LRRIQ1: variants seen among roughly 807,000 people sequenced by gnomAD.
LRRIQ1 encodes the protein leucine-rich repeat- and IQ domain-containing protein 1.
In LRRIQ1, 210 loss-of-function variants were observed where a neutral mutation model predicts 211.9. The observed-to-expected ratio is 0.99, with a 90% CI of 0.89 to 1.11. The LOEUF is 1.11. Among genes scored for constraint, LRRIQ1 ranks in the 50% most tolerant of loss-of-function variants. The pLI, the probability that LRRIQ1 is intolerant of heterozygous loss-of-function variation, is 0.00. For missense variants in LRRIQ1, 2,136 were observed against 1,939.5 expected (o/e 1.10, Z -1.90); for synonymous variants, 699 against 650.1 (o/e 1.08, Z -1.14).
chr12:85,102,524 A>G lies in LRRIQ1; in HGVS notation c.3210-1480A>G, dbSNP rs987896896. 4.6e-5 allele frequency among the ~76,000 whole-genome samples: 7 copies of G among 151,766 alleles called. 1 individual carries two copies. Among genetic ancestry groups the G allele is most frequent in the Non-Finnish European group, 7.4e-5 (5 of 67,776 alleles). ...TGCAGAGAAATGTTCTCCCAGCCTC[A>G]TTATATCATCTACTTTTTCATCAGT... On this transcript the variant is annotated intron_variant, in intron 13 of 26. Coordinates refer to ENST00000393217, the MANE Select transcript of LRRIQ1 (RefSeq NM_001079910.2).
At chr12:85,041,280 T>G (rs1353029750) in intron 3 of LRRIQ1, among the ~76,000 whole-genome samples, 2 of 151,830 alleles carry the variant, frequency 1.3e-5, no homozygotes, top group Non-Finnish European at 3.0e-5. Flanking sequence ...TAGAATGTGT[T>G]CTAGTCACTA....
chr12:85,070,504 A>G (rs1882970349), intron 10 of LRRIQ1, among the ~76,000 whole-genome samples: 1 of 151,912 alleles, frequency 6.6e-6, no homozygotes, highest in African/African-American at 2.4e-5. Flanking sequence ...AATGCTTACT[A>G]TTGTATGGAG....
intron 2 of LRRIQ1, among the ~76,000 whole-genome samples, chr12:85,038,591 C>T (rs1268270657): frequency 6.6e-6 from 1 of 151,448 alleles, no homozygotes; most frequent in Non-Finnish European, 1.5e-5. Flanking sequence ...TTTGACATAT[C>T]AAAATGGTTA....
chr12:85,039,260 C>T (rs1326079587), intron 2 of LRRIQ1, among the ~76,000 whole-genome samples: 6 of 150,876 alleles, frequency 4.0e-5, no homozygotes, highest in Admixed American at 4.0e-4. Context: ...ATTAAGATAC[C>T]TCACTATTAT....
intron 18 of LRRIQ1, among the ~76,000 whole-genome samples, chr12:85,133,918 C>T (rs1376908700): frequency 6.6e-6 from 1 of 152,080 alleles, no homozygotes; most frequent in Non-Finnish European, 1.5e-5. Context: ...GGACTGGGTT[C>T]ACCACTTGTG....
chr12:85,192,411 ATTATATACATTTATATATAT>A (rs1420290899), intron 24 of LRRIQ1, among the ~76,000 whole-genome samples: 1 of 135,170 alleles, frequency 7.4e-6, no homozygotes, highest in Non-Finnish European at 1.5e-5. Flanking sequence ...TATTTATATA[ATTATATACATTTATATATAT>A]TTATATATAA....
At chr12:85,217,393 T>C (rs1894139230) in intron 24 of LRRIQ1, among the ~76,000 whole-genome samples, 1 of 147,676 alleles carries the variant, frequency 6.8e-6, no homozygotes, top group Admixed American at 6.8e-5. Flanking sequence ...TTAATAAATA[T>C]ATGTAAATCA....
chr12:85,083,145 C>A (rs901771980), intron 11 of LRRIQ1, among the ~76,000 whole-genome samples: 2 of 152,060 alleles, frequency 1.3e-5, no homozygotes, highest in African/African-American at 2.4e-5. Flanking sequence ...TTATACCTGT[C>A]CACCTTAGGT....
At chr12:85,104,138 G>C (rs897051888) in intron 14 of LRRIQ1, 61 bp downstream of exon 14, 12 of 843,052 alleles carry the variant, frequency 1.4e-5, no homozygotes, top group Middle Eastern at 3.3e-4. Context: ...TTTCAAATAT[G>C]ATAAGGGGTT....
In LRRIQ1 at chr12:85,261,765, TTTTATTTATTTATTTA is replaced by T. The variant is rs375693906; in HGVS notation, c.122-1126_122-1111del. 2.1e-5 allele frequency among the ~76,000 whole-genome samples: 3 copies of T among 139,608 alleles called. No individual in the cohort carries two copies. In the South Asian group the frequency reaches 6.6e-4, roughly 31 times the overall value. The allele number at this position is 139,608 out of a possible 152,430, so 91.6% of individuals were successfully genotyped here. On this transcript the variant is annotated intron_variant, in intron 1 of 1. Coordinates refer to the LRRIQ1 transcript ENST00000602731. Reference sequence around the variant, plus strand: ...ATCATAATTTTTATTTTTTTGTTTATTTTATTTATTTATTTATTTATTTATTTATTTATTTATTTTT... The same window carrying T: ...ATCATAATTTTTATTTTTTTGTTTATTTTATTTATTTATTTATTTATTTTT...
chr12:85,134,205 A>G (rs924040222), intron 18 of LRRIQ1, among the ~76,000 whole-genome samples: 11 of 152,098 alleles, frequency 7.2e-5, no homozygotes, highest in African/African-American at 2.7e-4. Context: ...CCGGCTATTA[A>G]TTTTGCCTGC....
rs568394898 is a variant in LRRIQ1 at position 85,178,623 on chromosome 12, C to T, written c.4822+17909C>T. On this transcript the variant is annotated intron_variant, in intron 24 of 26. Coordinates refer to ENST00000393217, the MANE Select transcript of LRRIQ1 (RefSeq NM_001079910.2). ...TACTTATCTTCAGTATTTCATTCAT[C>T]ATTCTCCCCATAATTTATCTTAGTC... Among the ~76,000 whole-genome samples, 4 of 152,012 alleles carry T rather than the reference C, an allele frequency of 2.6e-5. No individual in the cohort carries two copies. In the South Asian group the frequency reaches 8.3e-4, roughly 31 times the overall value.
chr12:85,172,666 C>A (rs1222576346), intron 24 of LRRIQ1, among the ~76,000 whole-genome samples: 1 of 152,014 alleles, frequency 6.6e-6, no homozygotes, highest in East Asian at 1.9e-4. Flanking sequence ...AGCAATAGAA[C>A]TTTTTAGGCT....
chr12:85,237,585 A>C (rs1357803871), intron 26 of LRRIQ1, among the ~76,000 whole-genome samples: 1 of 152,110 alleles, frequency 6.6e-6, no homozygotes, highest in African/African-American at 2.4e-5. Flanking sequence ...TCTAGAGACC[A>C]ATCAAAACCG....
intron 18 of LRRIQ1, among the ~76,000 whole-genome samples, chr12:85,131,985 T>A (rs1888797056): frequency 6.6e-6 from 1 of 152,164 alleles, no homozygotes; most frequent in African/African-American, 2.4e-5. Context: ...GGGTCTTGAA[T>A]TTCTGACCCT....
chr12:85,110,645 G>A (rs1338694153), intron 15 of LRRIQ1, among the ~76,000 whole-genome samples: 1 of 152,088 alleles, frequency 6.6e-6, no homozygotes, highest in Non-Finnish European at 1.5e-5. Flanking sequence ...AGTTTAGTGT[G>A]ACAAGGAGAA....
chr12:85,147,747 G>A (rs552775731), intron 19 of LRRIQ1, among the ~76,000 whole-genome samples: 2 of 151,394 alleles, frequency 1.3e-5, no homozygotes, highest in African/African-American at 4.8e-5. Context: ...ATGCTACTGA[G>A]GCACATTTTT....
intron 10 of LRRIQ1, among the ~76,000 whole-genome samples, chr12:85,068,942 A>C (rs1258549959): frequency 6.7e-6 from 1 of 150,180 alleles, no homozygotes; most frequent in Non-Finnish European, 1.5e-5. Flanking sequence ...TATTTATTTA[A>C]TTTTATTATT....
At chr12:85,141,195 T>C (rs984775558) in intron 19 of LRRIQ1, among the ~76,000 whole-genome samples, 9 of 151,394 alleles carry the variant, frequency 5.9e-5, no homozygotes, top group African/African-American at 2.2e-4. Flanking sequence ...TTTTTTGAAA[T>C]GTTTCATGTG....
Sources: allele counts gnomAD v4.1 joint callset (sites outside exome capture counted in the v4.1 genomes callset), GRCh38; gene constraint gnomAD v4.1.1; transcripts MANE v1.5; gene names NCBI Gene and HGNC (gene_info 2026-07-23, HGNC 2026-07-21).